C1QTNF3: variants seen among roughly 807,000 people sequenced by gnomAD.
The protein encoded by C1QTNF3 is complement C1q tumor necrosis factor-related protein 3.
A neutral mutation model predicts 32.6 loss-of-function variants in C1QTNF3; 26 were observed. The ratio of observed to expected loss-of-function variants is 0.80; its 90% CI spans 0.58 to 1.11. C1QTNF3 has a LOEUF of 1.11. C1QTNF3 is among the 50% of genes least tolerant of loss of function. The pLI is 0.00. For synonymous variants in C1QTNF3, 155 were observed against 146.0 expected, an observed-to-expected ratio of 1.06 and a Z score of -0.44; for missense variants, 362 against 398.2, an observed-to-expected ratio of 0.91 and a Z score of 0.77.
the C1QTNF3 span, among the ~76,000 whole-genome samples, chr5:34,113,246 G>A: frequency 6.7e-6 from 1 of 150,024 alleles, no homozygotes; most frequent in East Asian, 2.0e-4. Flanking sequence ...AAGAATTCTA[G>A]AAGCAGGATA....
intron 1 of C1QTNF3, among the ~76,000 whole-genome samples, chr5:34,036,816 C>T (rs1754753414): frequency 6.6e-6 from 1 of 151,918 alleles, no homozygotes; most frequent in South Asian, 2.1e-4. Context: ...GCCAGGCATG[C>T]TGGTGCATGC....
the C1QTNF3 span, among the ~76,000 whole-genome samples, chr5:34,111,110 T>A: frequency 6.6e-6 from 1 of 152,152 alleles, no homozygotes; most frequent in Non-Finnish European, 1.5e-5. Context: ...TAAAACCATA[T>A]AAAATAATAG....
At chr5:34,138,102 G>C in the C1QTNF3 span, among the ~76,000 whole-genome samples, 1 of 151,330 alleles carries the variant, frequency 6.6e-6, no homozygotes, top group South Asian at 2.1e-4. Context: ...TGCAAGCCAA[G>C]GAGAGGCCTC....
At chr5:34,153,891 GCAAA>G in the C1QTNF3 span, among the ~76,000 whole-genome samples, 1 of 133,172 alleles carries the variant, frequency 7.5e-6, no homozygotes, top group South Asian at 2.5e-4. Context: ...GCAAAACAAA[GCAAA>G]CTAACTAGGT....
At chr5:34,026,042 C>T (rs999868004) in intron 4 of C1QTNF3, among the ~76,000 whole-genome samples, 15 of 152,208 alleles carry the variant, frequency 9.9e-5, no homozygotes, top group Non-Finnish European at 1.5e-4. Context: ...GCCACTGCCT[C>T]CATCAGAAGT....
chr5:34,078,601 T>C, the C1QTNF3 span, among the ~76,000 whole-genome samples: 10 of 151,596 alleles, frequency 6.6e-5, no homozygotes, highest in East Asian at 1.9e-3. This position sits in a 1 kb window ranked among gnomAD's most constrained non-coding sequence, Gnocchi z 4.0. Context: ...CCCTGACACT[T>C]GGGGATTACA....
At chr5:34,153,823 A>G in the C1QTNF3 span, among the ~76,000 whole-genome samples, 154 of 111,876 alleles carry the variant, frequency 1.4e-3, no homozygotes, top group African/African-American at 4.9e-3. Flanking sequence ...AACCTGCACA[A>G]TGTGCACATG....
At chr5:34,082,234 T>G in the C1QTNF3 span, among the ~76,000 whole-genome samples, 1 of 151,460 alleles carries the variant, frequency 6.6e-6, no homozygotes, top group Non-Finnish European at 1.5e-5. Context: ...TTACAAGTTG[T>G]CAGAACAGCA....
chr5:34,032,942 C>T (rs299595), intron 3 of C1QTNF3: 70,970 of 186,416 alleles, frequency 0.38, 14,687 homozygotes, highest in South Asian at 0.64. Context: ...CATTTATATA[C>T]TTAAATGTTT....
the C1QTNF3 span, among the ~76,000 whole-genome samples, chr5:34,212,300 C>T: frequency 3.9e-5 from 6 of 152,008 alleles, no homozygotes; most frequent in Admixed American, 3.9e-4. Flanking sequence ...CCCTAAAAAC[C>T]CTAGAAGAAA....
the C1QTNF3 span, chr5:34,165,554 A>G: frequency 2.0e-5 from 3 of 152,128 alleles, no homozygotes; most frequent in African/African-American, 7.2e-5. Flanking sequence ...AACTGCTGTC[A>G]TTGATGCCTC....
At chr5:34,095,787 T>C in the C1QTNF3 span, among the ~76,000 whole-genome samples, 2 of 152,082 alleles carry the variant, frequency 1.3e-5, no homozygotes, top group African/African-American at 4.8e-5. Context: ...GCTTTTAAGA[T>C]ATATACGAAT....
chr5:34,184,826 A>T, the C1QTNF3 span, among the ~76,000 whole-genome samples: 4 of 152,416 alleles, frequency 2.6e-5, no homozygotes, highest in African/African-American at 7.2e-5. Flanking sequence ...AGGGTTTGAG[A>T]GGCATTTCAC....
rs1754304977 is a variant in C1QTNF3 at position 34,020,758 on chromosome 5, G to A, written c.801-16C>T. On this transcript the variant is annotated splice_polypyrimidine_tract_variant and intron_variant, in intron 5 of 5. Transcript: ENST00000382065. The stretch of plus-strand genomic sequence containing the variant: ...CATTTCATAGCTGGAAAGAAAAAGA[G>A]GAACAAACTACTTAGTTTTTGCCAT... 6.2e-7 allele frequency: 1 copy of A among 1,606,890 alleles called. No individual in the cohort carries two copies. The highest frequency in any genetic ancestry group is 1.3e-5 in the African/African-American group (1 of 74,718).
intron 1 of C1QTNF3, among the ~76,000 whole-genome samples, chr5:34,037,396 T>A (rs979598091): frequency 6.6e-6 from 1 of 152,258 alleles, no homozygotes; most frequent in Non-Finnish European, 1.5e-5. Flanking sequence ...TATTTGTCAC[T>A]AAAAATTTAA....
the C1QTNF3 span, chr5:34,164,958 C>T: frequency 6.6e-6 from 1 of 151,876 alleles, no homozygotes; most frequent in Admixed American, 6.6e-5. Context: ...GCCTATATCA[C>T]AGTTAAAATT....
rs1176723100 is a variant in C1QTNF3, at chr5:34,042,997, G to A, written c.129C>T (p.Ser43=). The stretch of plus-strand genomic sequence containing the variant: ...AGCCGCTACGGCCAGTCTGCTGGTG[G>A]CTTTGCACTATTCTTGCCACCACTT... The part of the protein sequence containing the change: ...TNKVVARIVQ[S]HQQTGRSGSR... The change falls in exon 1 of 6, where the codon AGC becomes AGT. Residue 43 remains serine, a synonymous_variant. Coordinates refer to ENST00000382065, the MANE Select transcript of C1QTNF3 (RefSeq NM_181435.6). The A allele has an allele frequency of 1.2e-6, 2 of 1,614,056 alleles. No individual in the cohort carries two copies. The highest frequency in any genetic ancestry group is 4.5e-5 in the East Asian group (2 of 44,892).
At chr5:34,056,564 A>G in the C1QTNF3 span, among the ~76,000 whole-genome samples, 1 of 147,770 alleles carries the variant, frequency 6.8e-6, no homozygotes, top group Non-Finnish European at 1.5e-5. Flanking sequence ...CTAGGCTGGA[A>G]CGCAGTGGTA....
the C1QTNF3 span, among the ~76,000 whole-genome samples, chr5:34,073,564 T>A: frequency 6.6e-6 from 1 of 152,136 alleles, no homozygotes; most frequent in African/African-American, 2.4e-5. Context: ...TCAACACACA[T>A]TCCCCAGACT....
Sources: gnomAD v4.1 joint callset for allele counts (sites outside exome capture counted in the v4.1 genomes callset) on GRCh38, gnomAD v4.1.1 for gene constraint, Gnocchi (gnomAD v3.1) non-coding constraint, MANE v1.5 for transcripts, NCBI Gene and HGNC (gene_info 2026-07-23, HGNC 2026-07-21) for gene names.